SLC14A2: variants seen among roughly 807,000 people sequenced by gnomAD.
SLC14A2 encodes solute carrier family 14 member 2, also known as urea transporter 2.
SLC14A2 carries 91 observed loss-of-function variants against 104.6 expected under a neutral mutation model. The ratio of observed to expected loss-of-function variants is 0.87; its 90% CI spans 0.73 to 1.04. The LOEUF is 1.04. Ranked by LOEUF, SLC14A2 falls within the 50% of genes least tolerant of loss-of-function variation. SLC14A2 has a pLI of 0.00. For synonymous variants in SLC14A2, 476 were observed against 466.4 expected, an observed-to-expected ratio of 1.02 and a Z score of -0.27; for missense variants, 1,189 against 1,156.0, an observed-to-expected ratio of 1.03 and a Z score of -0.41.
At chr18:45,563,807 C>T (rs191066292) in intron 2 of SLC14A2, among the ~76,000 whole-genome samples, 25 of 152,280 alleles carry the variant, frequency 1.6e-4, no homozygotes, top group African/African-American at 4.1e-4. Context: ...TTATTATTCA[C>T]GGTTTGGAAA....
intron 1 of SLC14A2, among the ~76,000 whole-genome samples, chr18:45,380,154 G>A (rs1273573906): frequency 6.6e-6 from 1 of 152,198 alleles, no homozygotes; most frequent in Non-Finnish European, 1.5e-5. Flanking sequence ...TAGTGAGAGT[G>A]AGCCTTGTTT....
rs139640379 is a variant in SLC14A2 at position 45,433,186 on chromosome 18, T to A, written c.-124-50047T>A. ...TACTACCAAGGGACTGCAGGCAGGA[T>A]CCTTTCCCTAACTAAGCCTCAGTTT... On this transcript the variant is annotated intron_variant, in intron 1 of 20. Coordinates refer to the SLC14A2 transcript ENST00000586448. Among the ~76,000 whole-genome samples the A allele has an allele frequency of 9.8e-3, 1,498 of 152,160 alleles. 16 individuals are homozygous for A. Among genetic ancestry groups the A allele is most frequent in the African/African-American group, 0.024 (997 of 41,448 alleles).
chr18:45,218,054 TC>T (rs2084026352), intron 1 of SLC14A2, among the ~76,000 whole-genome samples: 1 of 152,186 alleles, frequency 6.6e-6, no homozygotes, highest in Non-Finnish European at 1.5e-5. Flanking sequence ...ATTTTAACGA[TC>T]TTTAAGTGTA....
chr18:45,245,161 G>C (rs1490995638), intron 1 of SLC14A2, among the ~76,000 whole-genome samples: 2 of 152,192 alleles, frequency 1.3e-5, no homozygotes, highest in Non-Finnish European at 2.9e-5. Flanking sequence ...GTGTATAACA[G>C]GCAATGGAGC....
chr18:45,514,998 A>G (rs926635212), intron 2 of SLC14A2, among the ~76,000 whole-genome samples: 1 of 152,204 alleles, frequency 6.6e-6, no homozygotes, highest in Non-Finnish European at 1.5e-5. Context: ...TAATAAGAAA[A>G]TAAGAACCCC....
chr18:45,567,187 C>A (rs537772287), intron 2 of SLC14A2, among the ~76,000 whole-genome samples: 3 of 151,674 alleles, frequency 2.0e-5, no homozygotes, highest in Non-Finnish European at 4.4e-5. Context: ...CTCTGTTTAC[C>A]ATTGAAGAGA....
intron 2 of SLC14A2, among the ~76,000 whole-genome samples, chr18:45,556,503 A>G: frequency 6.6e-6 from 1 of 152,202 alleles, no homozygotes; most frequent in Admixed American, 6.5e-5. Context: ...AAGACCTTCA[A>G]GGAGGTCTGG....
chr18:45,470,169 G>T (rs1002382920), intron 1 of SLC14A2, among the ~76,000 whole-genome samples: 1 of 152,072 alleles, frequency 6.6e-6, no homozygotes. Context: ...ATAATGTTTA[G>T]ATCATCATTG....
At chr18:45,195,195 A>T in the SLC14A2 span, among the ~76,000 whole-genome samples, 1 of 152,198 alleles carries the variant, frequency 6.6e-6, no homozygotes, top group African/African-American at 2.4e-5. Context: ...CCCTGAAGGG[A>T]GTGTCTGGCC....
chr18:45,678,523 A>T (rs1382659097), intron 18 of SLC14A2, among the ~76,000 whole-genome samples: 2 of 152,182 alleles, frequency 1.3e-5, no homozygotes, highest in Non-Finnish European at 2.9e-5. Context: ...AGCCTACACG[A>T]CAAGGCACTG....
intron 4 of SLC14A2, among the ~76,000 whole-genome samples, chr18:45,631,651 T>C (rs2045347526): frequency 6.6e-6 from 1 of 152,192 alleles, no homozygotes; most frequent in South Asian, 2.1e-4. Flanking sequence ...GGGTCTTGCT[T>C]TGTCACCCAG....
chr18:45,491,392 T>C (rs186288448), intron 2 of SLC14A2, among the ~76,000 whole-genome samples: 1 of 152,306 alleles, frequency 6.6e-6, no homozygotes, highest in African/African-American at 2.4e-5. Flanking sequence ...CAATCACGTA[T>C]GGATTCAGAC....
intron 1 of SLC14A2, among the ~76,000 whole-genome samples, chr18:45,315,795 T>C (rs1348633802): frequency 6.6e-6 from 1 of 152,204 alleles, no homozygotes; most frequent in African/African-American, 2.4e-5. Flanking sequence ...AGTTCATTTG[T>C]AGCTGGTTTT....
At position 45,666,010 on chromosome 18, in the gene SLC14A2, T is replaced by G. The variant is rs1329695770; in HGVS notation, c.1475-127T>G. ...CGAGCTGCAAGGCCCCATGATTCTG[T>G]GCTTCCTCAGTAGGAACAGGAAATA... On this transcript the variant is annotated intron_variant, in intron 11 of 19. Transcript: ENST00000255226. 3 of 657,594 alleles carry G rather than the reference T, an allele frequency of 4.6e-6. No individual in the cohort carries two copies. The Admixed American group carries it at 7.3e-5, about 16-fold the overall frequency. The allele number at this position is 657,594 out of a possible 1,614,324, so 40.7% of individuals were successfully genotyped here.
intron 1 of SLC14A2, among the ~76,000 whole-genome samples, chr18:45,414,757 A>AAAAAATATATATAT (rs1360051908): frequency 5.3e-5 from 4 of 76,104 alleles, no homozygotes; most frequent in East Asian, 3.8e-4. Flanking sequence ...AAAAAAAAAA[A>AAAAAATATATATAT]ATATATATAT....
chr18:45,632,296 G>T, intron 4 of SLC14A2, 54 bp from the exon 5 acceptor site: 1 of 1,583,536 alleles, frequency 6.3e-7, no homozygotes, highest in Non-Finnish European at 8.6e-7. Flanking sequence ...CAGGAGGGAG[G>T]GGCCCAGTAA....
chr18:45,458,604 C>A (rs548864821), intron 1 of SLC14A2, among the ~76,000 whole-genome samples: 21 of 152,320 alleles, frequency 1.4e-4, no homozygotes, highest in African/African-American at 4.8e-4. Context: ...CCTGGCCCAT[C>A]AGCCATTTCT....
At chr18:45,339,272 C>A (rs1236743486) in intron 1 of SLC14A2, among the ~76,000 whole-genome samples, 2 of 152,120 alleles carry the variant, frequency 1.3e-5, no homozygotes, top group Non-Finnish European at 2.9e-5. Context: ...CCTCCTTATA[C>A]CTCATTTATA....
At chr18:45,337,308 T>C (rs1253318816) in intron 1 of SLC14A2, among the ~76,000 whole-genome samples, 1 of 152,222 alleles carries the variant, frequency 6.6e-6, no homozygotes, top group African/African-American at 2.4e-5. Context: ...TTGTAGATAC[T>C]GGTTGCCTCA....
Sources: allele counts gnomAD v4.1 joint callset (sites outside exome capture counted in the v4.1 genomes callset), GRCh38; gene constraint gnomAD v4.1.1; transcripts MANE v1.5; gene names NCBI Gene and HGNC (gene_info 2026-07-23, HGNC 2026-07-21).